The following FMNL2 variants were observed in gnomAD, a reference collection of about 807,000 sequenced individuals.
FMNL2 encodes formin like 2.
FMNL2 carries 51 observed loss-of-function variants against 130.2 expected under a neutral mutation model. The observed-to-expected ratio is 0.39, with a 90% CI of 0.31 to 0.49. The LOEUF (loss-of-function observed/expected upper bound fraction) is 0.49, where lower values mean the gene tolerates loss of function less well. FMNL2 is among the 20% of genes least tolerant of loss of function. The pLI, the probability that FMNL2 is intolerant of heterozygous loss-of-function variation, is 0.85. For missense variants in FMNL2, 977 were observed against 1,316.2 expected (o/e 0.74, Z 3.99); for synonymous variants, 465 against 467.1 (o/e 1.00, Z 0.06).
chr2:152,565,057 C>A (rs11892322), intron 6 of FMNL2, among the ~76,000 whole-genome samples: 2 of 152,072 alleles, frequency 1.3e-5, no homozygotes, highest in East Asian at 3.9e-4. Context: ...TCTGTCAGTG[C>A]GGCTACAGAG....
chr2:152,354,298 T>C (rs1230268314), intron 1 of FMNL2, among the ~76,000 whole-genome samples: 4 of 152,074 alleles, frequency 2.6e-5, no homozygotes, highest in African/African-American at 7.2e-5. Flanking sequence ...CTGGAATGGA[T>C]GGAGTCATTT....
At position 152,523,045 on chromosome 2, in the gene FMNL2, T is replaced by C. The variant is rs544118638; in HGVS notation, c.201+1019T>C. Reference sequence around the variant, plus strand: ...ACGCAAATATTAATACAAATATTAATTTTACTTCTTGGATACAAATATTAA... The same window carrying C: ...ACGCAAATATTAATACAAATATTAACTTTACTTCTTGGATACAAATATTAA... On this transcript the variant is annotated intron_variant, in intron 2 of 25. Transcript: ENST00000288670. 4.2e-4 allele frequency among the ~76,000 whole-genome samples: 64 copies of C among 152,306 alleles called. 1 individual carries two copies. Among genetic ancestry groups the C allele is most frequent in the Middle Eastern group, 3.4e-3 (1 of 294 alleles).
rs1354044198 is a variant in FMNL2, at chr2:152,619,862, G to C, written c.1837+144G>C. On this transcript the variant is annotated intron_variant, in intron 15 of 25. Coordinates refer to ENST00000288670, the MANE Select transcript of FMNL2 (RefSeq NM_052905.4). Reference sequence around the variant, plus strand: ...ATAAGAAATTCCTGCTGATGTAGCCGATAGAGGGAACATCATCACGCATGG... The same window carrying C: ...ATAAGAAATTCCTGCTGATGTAGCCCATAGAGGGAACATCATCACGCATGG... The C allele has an allele frequency of 3.5e-6, 5 of 1,439,568 alleles. No homozygotes were observed. The East Asian group carries it at 1.2e-4, about 36-fold the overall frequency. 89.2% of individuals were successfully genotyped at this position (1,439,568 alleles called of 1,614,324 possible).
At chr2:152,438,083 A>T (rs182443309) in intron 1 of FMNL2, among the ~76,000 whole-genome samples, 1 of 152,374 alleles carries the variant, frequency 6.6e-6, no homozygotes, top group African/African-American at 2.4e-5. Context: ...TTCCAAAATG[A>T]TGAGGCAGAA....
intron 2 of FMNL2, among the ~76,000 whole-genome samples, chr2:152,525,697 T>G (rs781060541): frequency 1.3e-5 from 2 of 152,178 alleles, no homozygotes; most frequent in Non-Finnish European, 2.9e-5. Context: ...CCACTTAGAC[T>G]CAGCTTCCTG....
chr2:152,636,022 C>T (rs1682573292), intron 21 of FMNL2, among the ~76,000 whole-genome samples: 1 of 152,148 alleles, frequency 6.6e-6, no homozygotes, highest in African/African-American at 2.4e-5. Context: ...AGGCTTGCTG[C>T]AGATAAGGAC....
At chr2:152,470,210 G>A (rs950766158) in intron 1 of FMNL2, among the ~76,000 whole-genome samples, 1 of 152,106 alleles carries the variant, frequency 6.6e-6, no homozygotes, top group Non-Finnish European at 1.5e-5. Context: ...CAATGTTTAC[G>A]GCATACACAG....
In FMNL2 at chr2:152,415,744, G is replaced by C. The variant is rs1468044646; in HGVS notation, c.117+80024G>C. Among the ~76,000 whole-genome samples, 5 of 152,322 alleles carry C rather than the reference G, an allele frequency of 3.3e-5. No homozygotes were observed. The East Asian group carries it at 9.6e-4, about 29-fold the overall frequency. On this transcript the variant is annotated intron_variant, in intron 1 of 25. Transcript: ENST00000288670. ...ATGCTATGCCATAGAAGTCAGAGGAGAGATAGTGCCGCCTTTAAACATTGT... is the reference window on the plus strand; with the variant it reads ...ATGCTATGCCATAGAAGTCAGAGGACAGATAGTGCCGCCTTTAAACATTGT...
intron 1 of FMNL2, among the ~76,000 whole-genome samples, chr2:152,398,214 C>G (rs145142745): frequency 2.7e-3 from 413 of 152,296 alleles, no homozygotes; most frequent in Non-Finnish European, 4.7e-3. Context: ...ATCCCCCAGG[C>G]TATGTTGCTG....
At position 152,491,814 on chromosome 2, in the gene FMNL2, G is replaced by C. The variant is rs1262085928; in HGVS notation, c.118-30129G>C. Among the ~76,000 whole-genome samples the C allele has an allele frequency of 2.0e-5, 3 of 152,180 alleles. No homozygotes were observed. The East Asian group carries it at 5.8e-4, about 30-fold the overall frequency. On this transcript the variant is annotated intron_variant, in intron 1 of 25. Coordinates refer to ENST00000288670, the MANE Select transcript of FMNL2 (RefSeq NM_052905.4). ...AAAAATACAAAAATTAGCCTGGCGT[G>C]GTGGCGTGCACCTGGAATCCCAGCT...
Position 152,626,497 on chromosome 2 carries a change from T to C in FMNL2, c.1963-28T>C. ...ACTTCATTTTTAAATATAATCCAAT[T>C]TTCCATGGTCATTCCTCTCTATCTT... On this transcript the variant is annotated intron_variant, in intron 16 of 25. Transcript: ENST00000288670. The C allele has an allele frequency of 2.6e-6, 4 of 1,548,292 alleles. No homozygotes were observed. In the South Asian group the frequency reaches 3.7e-5, roughly 14 times the overall value.
intron 9 of FMNL2, 95 bp downstream of exon 9, chr2:152,581,144 C>T (rs1696755640): frequency 1.9e-6 from 2 of 1,073,922 alleles, no homozygotes; most frequent in East Asian, 4.8e-5. Flanking sequence ...ATCCTAGGGC[C>T]TAAGGAATAT....
intron 4 of FMNL2, among the ~76,000 whole-genome samples, chr2:152,551,041 A>C (rs1423683669): frequency 6.6e-6 from 1 of 151,478 alleles, no homozygotes; most frequent in East Asian, 1.9e-4. Context: ...TGGGAGGCTG[A>C]GGCAGGAGAA....
At chr2:152,523,111 T>G (rs939194103) in intron 2 of FMNL2, among the ~76,000 whole-genome samples, 1 of 152,236 alleles carries the variant, frequency 6.6e-6, no homozygotes, top group African/African-American at 2.4e-5. Flanking sequence ...ATATGTTATT[T>G]AGGATACATG....
At chr2:152,628,082 C>T (rs908273975) in intron 17 of FMNL2, among the ~76,000 whole-genome samples, 6 of 152,180 alleles carry the variant, frequency 3.9e-5, no homozygotes, top group African/African-American at 1.4e-4. Flanking sequence ...TCCACGTTTT[C>T]AGGAAGAACC....
chr2:152,640,714 G>T (rs1559033539), intron 24 of FMNL2, 77 bp from the exon 25 acceptor site: 2 of 1,538,538 alleles, frequency 1.3e-6, no homozygotes, highest in African/African-American at 1.4e-5. Flanking sequence ...GTAACATAAT[G>T]CTCAGGCACA....
chr2:152,589,981 A>ATATATATATATATATATGTATATG (rs1553482691), intron 9 of FMNL2, among the ~76,000 whole-genome samples: 2 of 42,484 alleles, frequency 4.7e-5, no homozygotes, highest in African/African-American at 2.2e-4. Flanking sequence ...ATATATATAT[A>ATATATATATATATATATGTATATG]TATGTATATG....
intron 1 of FMNL2, among the ~76,000 whole-genome samples, chr2:152,412,839 T>G (rs1390451339): frequency 1.3e-5 from 2 of 152,018 alleles, no homozygotes; most frequent in African/African-American, 2.4e-5. Flanking sequence ...GGAAATTATT[T>G]CCATATCTTT....
intron 1 of FMNL2, among the ~76,000 whole-genome samples, chr2:152,422,571 C>T (rs76096630): frequency 0.012 from 1,786 of 151,812 alleles, 38 homozygotes; most frequent in African/African-American, 0.041. Context: ...GTCACCCAAG[C>T]TGAAGTGTAA....
Sources: allele counts gnomAD v4.1 joint callset (sites outside exome capture counted in the v4.1 genomes callset), GRCh38; gene constraint gnomAD v4.1.1; transcripts MANE v1.5; gene names NCBI Gene and HGNC (gene_info 2026-07-23, HGNC 2026-07-21).